Variants in RTN3 observed in about 807,000 individuals in gnomAD.
RTN3 encodes reticulon 3.
A neutral mutation model predicts 77.8 loss-of-function variants in RTN3; 49 were observed. That is an observed-to-expected ratio of 0.63 (90% CI 0.50 to 0.80). RTN3 has a LOEUF of 0.80. RTN3 is among the 30% of genes least tolerant of loss of function. The pLI is 0.00. For missense variants in RTN3, 1,236 were observed against 1,211.9 expected (o/e 1.02, Z -0.29); for synonymous variants, 464 against 446.9 (o/e 1.04, Z -0.48).
rs146935976 is a variant in RTN3 at position 63,747,292 on chromosome 11, T to C, written c.2531-2699T>C. Among the ~76,000 whole-genome samples, 24 of 152,354 alleles carry C rather than the reference T, an allele frequency of 1.6e-4. No individual in the cohort carries two copies. In the East Asian group the frequency reaches 4.4e-3, roughly 28 times the overall value. ...GTGTTGAAACTGTTCCTTGTAGTTA[T>C]ATGAATTCTAACATGTATATGCTTG... On this transcript the variant is annotated intron_variant, in intron 3 of 8. Transcript: ENST00000377819.
intron 3 of RTN3, chr11:63,747,078 G>A (rs2013840934): frequency 2.2e-6 from 1 of 445,386 alleles, no homozygotes; most frequent in Admixed American, 2.4e-5. Flanking sequence ...AAGACTATAG[G>A]CCAGTTGTTT....
chr11:63,757,086 T>C (rs1481249545), intron 8 of RTN3, among the ~76,000 whole-genome samples: 1 of 152,200 alleles, frequency 6.6e-6, no homozygotes, highest in Non-Finnish European at 1.5e-5. Context: ...CACCTTCATT[T>C]ATTTTCACAT....
intron 6 of RTN3, 106 bp from the exon 7 acceptor site, chr11:63,753,556 T>C: frequency 1.0e-6 from 1 of 988,232 alleles, no homozygotes; most frequent in Non-Finnish European, 1.6e-6. Flanking sequence ...GAGGAATGCC[T>C]GTGTTTTCCT....
At chr11:63,752,920 A>C (rs773041102) in intron 5 of RTN3, 149 bp from the exon 6 acceptor site, 9 of 855,098 alleles carry the variant, frequency 1.1e-5, no homozygotes, top group Non-Finnish European at 1.7e-5. Flanking sequence ...CAAATGTATA[A>C]CACAAGTAGG....
intron 2 of RTN3, among the ~76,000 whole-genome samples, chr11:63,711,987 A>G (rs1329194283): frequency 6.6e-6 from 1 of 152,232 alleles, no homozygotes; most frequent in Admixed American, 6.5e-5. Context: ...ATGAGCCACT[A>G]TGCCAGGCTG....
chr11:63,730,060 G>A (rs1444814203), intron 3 of RTN3, among the ~76,000 whole-genome samples: 5 of 152,082 alleles, frequency 3.3e-5, no homozygotes, highest in Non-Finnish European at 5.9e-5. Context: ...TCTGCCTTCC[G>A]GGTTCAAGGG....
intron 2 of RTN3, among the ~76,000 whole-genome samples, chr11:63,709,270 T>C (rs1942635674): frequency 6.6e-6 from 1 of 152,216 alleles, no homozygotes; most frequent in African/African-American, 2.4e-5. Flanking sequence ...ATTAGTGATA[T>C]AATTTAGTAT....
chr11:63,727,711 A>T (rs2012382443), intron 3 of RTN3, among the ~76,000 whole-genome samples: 1 of 152,148 alleles, frequency 6.6e-6, no homozygotes, highest in Non-Finnish European at 1.5e-5. Context: ...TCACGTCTGT[A>T]ATCCCACCAC....
chr11:63,702,322 G>GTT (rs536198212), intron 1 of RTN3, among the ~76,000 whole-genome samples: 4 of 143,444 alleles, frequency 2.8e-5, no homozygotes, highest in African/African-American at 7.7e-5. Context: ...TTGTTTTTTT[G>GTT]TTTTTTTTTT....
In RTN3 at chr11:63,706,375, G is replaced by A. The variant is rs553985733; in HGVS notation, c.199+1468G>A. Among the ~76,000 whole-genome samples, 57 of 152,100 alleles carry A rather than the reference G, an allele frequency of 3.7e-4. 1 individual carries two copies. Among genetic ancestry groups the A allele is most frequent in the Admixed American group, 2.9e-3 (45 of 15,256 alleles). On this transcript the variant is annotated intron_variant, in intron 2 of 8. Coordinates refer to ENST00000377819, the MANE Select transcript of RTN3 (RefSeq NM_001265589.2). ...CTGCTAATTTTTTAATTTTTATTTC[G>A]TAGAGACATTTTGCTATGTTGCCCA...
chr11:63,708,484 T>C (rs1183872103), intron 2 of RTN3, among the ~76,000 whole-genome samples: 1 of 152,286 alleles, frequency 6.6e-6, no homozygotes, highest in Non-Finnish European at 1.5e-5. Context: ...ATGTTAAGAT[T>C]TAAGTGACTT....
chr11:63,735,602 T>TCTCTCTCTCTCTA (rs1555078117), intron 3 of RTN3, among the ~76,000 whole-genome samples: 1 of 25,052 alleles, frequency 4.0e-5, no homozygotes, highest in African/African-American at 1.3e-4. Flanking sequence ...CTCTCTCTCT[T>TCTCTCTCTCTCTA]TCTTTCAACC....
rs369380035 is a variant in RTN3 at position 63,719,646 on chromosome 11, A to G, written c.1144A>G (p.Ser382Gly). The G allele has an allele frequency of 5.3e-5, 86 of 1,613,984 alleles. No homozygotes were observed. In the South Asian group the frequency reaches 5.8e-4, roughly 11 times the overall value. The change falls in exon 3 of 9, where the codon AGC becomes GGC. Residue 382 changes from serine to glycine, a missense_variant. By Grantham distance (56) the Ser-to-Gly change is moderately conservative. This residue lies in a region of RTN3 where 1,056 missense variants were observed against 990.4 expected (regional missense o/e 1.07). Coordinates refer to ENST00000377819, the MANE Select transcript of RTN3 (RefSeq NM_001265589.2). ...AATTCCAGTTGTAAATCTTAAAACT[A>G]GCACTCATCAGAAAACTCCTGTATG... The part of the protein sequence containing the change: ...SEIPVVNLKT[S>G]THQKTPVCSI...
At chr11:63,693,820 G>T (rs1941791711) in intron 1 of RTN3, among the ~76,000 whole-genome samples, 1 of 151,946 alleles carries the variant, frequency 6.6e-6, no homozygotes, top group African/African-American at 2.4e-5. Flanking sequence ...CCACATTCTG[G>T]CATATTAGAA....
chr11:63,692,840 G>A (rs957287953), intron 1 of RTN3, among the ~76,000 whole-genome samples: 2 of 151,922 alleles, frequency 1.3e-5, no homozygotes, highest in Non-Finnish European at 2.9e-5. Flanking sequence ...TCATGTGGCA[G>A]TTTTAAGTTA....
chr11:63,736,386 A>G (rs1280089878), intron 3 of RTN3, among the ~76,000 whole-genome samples: 4 of 152,148 alleles, frequency 2.6e-5, no homozygotes, highest in Non-Finnish European at 4.4e-5. Context: ...AAAAGAAAAA[A>G]CAATAAAAAA....
chr11:63,691,846 T>C (rs1208349675), intron 1 of RTN3, among the ~76,000 whole-genome samples: 1 of 152,178 alleles, frequency 6.6e-6, no homozygotes, highest in Non-Finnish European at 1.5e-5. Context: ...TTGCCTCTCT[T>C]CAGTCCATTT....
At position 63,742,721 on chromosome 11, in the gene RTN3, C is replaced by T. The variant is rs985621695; in HGVS notation, c.2531-7270C>T. On this transcript the variant is annotated intron_variant, in intron 3 of 8. Coordinates refer to ENST00000377819, the MANE Select transcript of RTN3 (RefSeq NM_001265589.2). Reference sequence around the variant, plus strand: ...AATTTGGGGATAATTAATGTCTTGGCAATTTTGAGTCTTCCAACCTTTGAA... The same window carrying T: ...AATTTGGGGATAATTAATGTCTTGGTAATTTTGAGTCTTCCAACCTTTGAA... 3.3e-5 allele frequency among the ~76,000 whole-genome samples: 5 copies of T among 152,148 alleles called. No individual in the cohort carries two copies. In the East Asian group the frequency reaches 9.6e-4, roughly 29 times the overall value.
intron 1 of RTN3, among the ~76,000 whole-genome samples, chr11:63,694,469 C>T (rs1941830832): frequency 6.6e-6 from 1 of 151,902 alleles, no homozygotes; most frequent in South Asian, 2.1e-4. Flanking sequence ...AGCCACTGCG[C>T]CTGGCCTTTT....
Sources: allele counts gnomAD v4.1 joint callset (sites outside exome capture counted in the v4.1 genomes callset), GRCh38; gene constraint gnomAD v4.1.1; regional missense constraint gnomAD v4.1.1; transcripts MANE v1.5; gene names NCBI Gene and HGNC (gene_info 2026-07-23, HGNC 2026-07-21).